The following SDC2 variants were observed in gnomAD, a reference collection of about 807,000 sequenced individuals.
SDC2 encodes the protein syndecan 2.
SDC2 carries 13 observed loss-of-function variants against 22.2 expected under a neutral mutation model. That is an observed-to-expected ratio of 0.59 (90% CI 0.38 to 0.93). The LOEUF (loss-of-function observed/expected upper bound fraction) is 0.93, where lower values mean the gene tolerates loss of function less well. Among genes scored for constraint, SDC2 ranks in the 40% least tolerant of loss-of-function variants. SDC2 has a pLI of 0.00. For missense variants in SDC2, 235 were observed against 246.8 expected (o/e 0.95, Z 0.32); for synonymous variants, 94 against 92.8 (o/e 1.01, Z -0.07).
intron 1 of SDC2, among the ~76,000 whole-genome samples, chr8:96,574,234 G>T (rs1814449966): frequency 6.6e-6 from 1 of 152,106 alleles, no homozygotes; most frequent in South Asian, 2.1e-4. Flanking sequence ...GGCAAGGCTG[G>T]ACACAGACTA....
intron 1 of SDC2, among the ~76,000 whole-genome samples, chr8:96,514,527 C>T (rs180956317): frequency 9.2e-5 from 14 of 152,294 alleles, no homozygotes; most frequent in Admixed American, 6.5e-4. Context: ...GCAGAGCTTT[C>T]CTTCTGAGGC....
At chr8:96,549,411 T>A (rs1053423928) in intron 1 of SDC2, among the ~76,000 whole-genome samples, 6 of 152,184 alleles carry the variant, frequency 3.9e-5, no homozygotes, top group African/African-American at 1.2e-4. Context: ...AGCCTTATCA[T>A]GTAGATAGCC....
At chr8:96,547,929 T>A (rs779249076) in intron 1 of SDC2, among the ~76,000 whole-genome samples, 19 of 152,150 alleles carry the variant, frequency 1.2e-4, no homozygotes, top group Middle Eastern at 3.4e-3. Context: ...ACCTGGCTAA[T>A]TTTGTTTAAT....
chr8:96,555,513 A>C (rs766466986), intron 1 of SDC2, among the ~76,000 whole-genome samples: 3 of 152,160 alleles, frequency 2.0e-5, no homozygotes, highest in Non-Finnish European at 2.9e-5. Flanking sequence ...TGATTCAAGT[A>C]GTTGCTGGAA....
chr8:96,548,597 C>A (rs1255567481), intron 1 of SDC2, among the ~76,000 whole-genome samples: 8 of 152,164 alleles, frequency 5.3e-5, no homozygotes, highest in Admixed American at 2.6e-4. Context: ...GAGCAAAGTG[C>A]CACCTTTTCA....
At chr8:96,508,432 G>A (rs979370786) in intron 1 of SDC2, among the ~76,000 whole-genome samples, 3 of 151,706 alleles carry the variant, frequency 2.0e-5, no homozygotes, top group African/African-American at 2.4e-5. Context: ...GGCGGAGGTC[G>A]CAGTGAGCAG....
chr8:96,539,940 G>A (rs1430129822), intron 1 of SDC2, among the ~76,000 whole-genome samples: 2 of 152,122 alleles, frequency 1.3e-5, no homozygotes, highest in African/African-American at 4.8e-5. Context: ...GAACCTGCTT[G>A]GAGGCAGGGT....
intron 1 of SDC2, among the ~76,000 whole-genome samples, chr8:96,547,560 C>T (rs1018316532): frequency 6.6e-6 from 1 of 152,124 alleles, no homozygotes; most frequent in Admixed American, 6.6e-5. Flanking sequence ...CTAGTGTGCA[C>T]GCTTCCTAAG....
chr8:96,599,685 C>T (rs1170857921), intron 2 of SDC2, among the ~76,000 whole-genome samples: 6 of 152,120 alleles, frequency 3.9e-5, no homozygotes, highest in Non-Finnish European at 8.8e-5. Context: ...GTATTACTTG[C>T]CTAAGAGTAC....
chr8:96,547,845 C>T lies in SDC2; in HGVS notation c.61-45635C>T, dbSNP rs544098971. Among the ~76,000 whole-genome samples the T allele has an allele frequency of 3.3e-5, 5 of 152,118 alleles. No homozygotes were observed. The South Asian group carries it at 6.2e-4, about 19-fold the overall frequency. On this transcript the variant is annotated intron_variant, in intron 1 of 4. Transcript: ENST00000302190. Reference sequence around the variant, plus strand: ...GCATGATCACAGTTCACTGCAGCCTCGACCTCCTGCTGCTCAAGTGATCCT... The same window carrying T: ...GCATGATCACAGTTCACTGCAGCCTTGACCTCCTGCTGCTCAAGTGATCCT...
intron 1 of SDC2, among the ~76,000 whole-genome samples, chr8:96,520,658 A>G (rs1031717698): frequency 6.6e-6 from 1 of 152,212 alleles, no homozygotes; most frequent in Non-Finnish European, 1.5e-5. Context: ...TGTTGTTTGC[A>G]ATGTGCCGAA....
intron 1 of SDC2, among the ~76,000 whole-genome samples, chr8:96,519,113 C>T (rs1212639463): frequency 1.3e-5 from 2 of 152,182 alleles, no homozygotes; most frequent in African/African-American, 2.4e-5. Context: ...TGCAGCCTCT[C>T]CTACATCCCT....
intron 1 of SDC2, among the ~76,000 whole-genome samples, chr8:96,504,125 A>G (rs1008195276): frequency 2.0e-5 from 3 of 152,236 alleles, no homozygotes; most frequent in African/African-American, 4.8e-5. Flanking sequence ...ACCAAAGTAC[A>G]TGTGAAAGTA....
chr8:96,593,349 C>G, intron 1 of SDC2, 131 bp from the exon 2 acceptor site: 1 of 627,458 alleles, frequency 1.6e-6, no homozygotes, highest in Non-Finnish European at 2.8e-6. Flanking sequence ...AAGACTGTGG[C>G]CAGAGATGTG....
chr8:96,594,384 C>T (rs1293091764), intron 2 of SDC2, among the ~76,000 whole-genome samples: 2 of 152,174 alleles, frequency 1.3e-5, no homozygotes, highest in Middle Eastern at 3.4e-3. Flanking sequence ...GGGTTCTGTT[C>T]GTGTGGTCTC....
chr8:96,494,160 T>C lies in SDC2; in HGVS notation c.-112T>C. 8.7e-7 allele frequency: 1 copy of C among 1,152,132 alleles called. No homozygotes were observed. The highest frequency in any genetic ancestry group is 1.2e-6 in the Non-Finnish European group (1 of 821,020). The allele number at this position is 1,152,132 out of a possible 1,614,324, so 71.4% of individuals were successfully genotyped here. A position where few individuals can be genotyped will look rare whatever the true frequency, so the allele number is the denominator to read the frequency against. On this transcript the variant is annotated 5_prime_UTR_variant, in exon 1 of 5. Transcript: ENST00000302190. ...GTCCCCGAGCCTGAGCCGCAATCGC[T>C]GCGGTACTCTGCTCCGGATTCGTGT...
rs1319040683 is a variant in SDC2, at chr8:96,602,346, A to AT, written c.173-48dup. On this transcript the variant is annotated intron_variant, in intron 2 of 4. Coordinates refer to ENST00000302190, the MANE Select transcript of SDC2 (RefSeq NM_002998.4). The stretch of plus-strand genomic sequence containing the variant: ...GGCAATAGTGCCTGATAATGGAGAC[A>AT]TCTGTGTCATGATTGCCATGCTCAG... The AT allele has an allele frequency of 2.1e-5, 34 of 1,595,210 alleles. No individual in the cohort carries two copies. The Admixed American group carries it at 5.3e-4, about 25-fold the overall frequency.
chr8:96,579,938 G>A (rs1056746600), intron 1 of SDC2, among the ~76,000 whole-genome samples: 4 of 152,196 alleles, frequency 2.6e-5, no homozygotes, highest in South Asian at 4.1e-4. Flanking sequence ...CTTAAAAGCC[G>A]TGAAAGGGAA....
At chr8:96,511,113 A>C (rs1813320667) in intron 1 of SDC2, among the ~76,000 whole-genome samples, 1 of 152,166 alleles carries the variant, frequency 6.6e-6, no homozygotes, top group South Asian at 2.1e-4. Flanking sequence ...AGGGCCCAGC[A>C]GTCTTGAGCT....
Sources: gnomAD v4.1 joint callset for allele counts (sites outside exome capture counted in the v4.1 genomes callset) on GRCh38, gnomAD v4.1.1 for gene constraint, MANE v1.5 for transcripts, NCBI Gene and HGNC (gene_info 2026-07-23, HGNC 2026-07-21) for gene names.